The following SERPINC1 variants were observed in gnomAD, a reference collection of about 807,000 sequenced individuals.
The protein encoded by SERPINC1 is serpin family C member 1, also known as antithrombin-III.
A neutral mutation model predicts 43.4 loss-of-function variants in SERPINC1; 12 were observed. The ratio of observed to expected loss-of-function variants is 0.28; its 90% confidence interval spans 0.18 to 0.45. The LOEUF (loss-of-function observed/expected upper bound fraction) is 0.45, where lower values mean the gene tolerates loss of function less well. Among genes scored for constraint, SERPINC1 ranks in the 20% least tolerant of loss-of-function variants. The probability of loss-of-function intolerance (pLI) is 1.00; values close to 1 mark genes in which losing one functional copy is unlikely to be tolerated. For synonymous variants in SERPINC1, 210 were observed against 218.9 expected, an observed-to-expected ratio of 0.96 and a Z score of 0.36; for missense variants, 423 against 578.8, an observed-to-expected ratio of 0.73 and a Z score of 2.76.
At chr1:173,906,349 A>G (rs1277014408) in intron 6 of SERPINC1, among the ~76,000 whole-genome samples, 1 of 152,212 alleles carries the variant, frequency 6.6e-6, no homozygotes, top group Non-Finnish European at 1.5e-5. Context: ...CATTTGGGGG[A>G]ACACGTTAAG....
intron 4 of SERPINC1, 134 bp from the exon 5 acceptor site, chr1:173,910,076 G>T: frequency 1.2e-6 from 1 of 867,458 alleles, no homozygotes; most frequent in East Asian, 2.7e-5. Context: ...TGCACAAAAA[G>T]GTTAACAATG....
At chr1:173,909,510 C>G (rs756267601) in intron 5 of SERPINC1, 42 bp downstream of exon 5, 1 of 1,608,460 alleles carries the variant, frequency 6.2e-7, no homozygotes, top group South Asian at 1.1e-5. Context: ...GGTCAGACTA[C>G]CTTGCGGGTG....
chr1:173,912,785 G>A (rs1333158547), intron 2 of SERPINC1, among the ~76,000 whole-genome samples: 4 of 152,230 alleles, frequency 2.6e-5, no homozygotes, highest in South Asian at 2.1e-4. Context: ...AACACATGGC[G>A]TTTGTGTAGA....
intron 5 of SERPINC1, among the ~76,000 whole-genome samples, chr1:173,908,710 G>A (rs900198935): frequency 2.6e-5 from 4 of 152,082 alleles, no homozygotes; most frequent in South Asian, 4.1e-4. Context: ...ACAGGTGTGC[G>A]TCACCATGCC....
intron 1 of SERPINC1, among the ~76,000 whole-genome samples, chr1:173,916,949 T>A (rs1658016682): frequency 6.6e-6 from 1 of 152,200 alleles, no homozygotes; most frequent in African/African-American, 2.4e-5. Flanking sequence ...CCGTGAGTGC[T>A]GACTTCCTGC....
chr1:173,915,163 G>C, intron 1 of SERPINC1: 1 of 1,403,218 alleles, frequency 7.1e-7, no homozygotes, highest in Non-Finnish European at 9.3e-7. Context: ...GTTATTTGGA[G>C]TATTATGTGC....
intron 2 of SERPINC1, among the ~76,000 whole-genome samples, chr1:173,912,335 G>C (rs1443926142): frequency 6.6e-6 from 1 of 152,234 alleles, no homozygotes; most frequent in Non-Finnish European, 1.5e-5. Flanking sequence ...ACAGAGAAGA[G>C]AATCAGGACG....
At chr1:173,908,490 C>CAAAAA (rs753240633) in intron 5 of SERPINC1, among the ~76,000 whole-genome samples, 5 of 54,010 alleles carry the variant, frequency 9.3e-5, no homozygotes, top group Non-Finnish European at 1.8e-4. Flanking sequence ...GACTTCGTCT[C>CAAAAA]AAAAAAAAAA....
chr1:173,907,486 G>C lies in SERPINC1; in HGVS notation c.1182C>G (p.Leu394=). ...CCTTATGGAATGCATCTGAGACATA[G>C]AGGTCATCTCGGCCTTCTGCAACAA... ...PGIVAEGRDD[L]YVSDAFHKAF... Residue 394 remains leucine (L), a synonymous_variant, in exon 6 of 7, where the codon CTC becomes CTG. Transcript: ENST00000367698. The C allele has an allele frequency of 1.9e-6, 3 of 1,613,990 alleles. No individual in the cohort carries two copies. In the South Asian group the frequency reaches 3.3e-5, roughly 18 times the overall value.
At chr1:173,910,970 T>G in intron 3 of SERPINC1, 79 bp from the exon 4 acceptor site, 1 of 1,501,150 alleles carries the variant, frequency 6.7e-7, no homozygotes, top group Non-Finnish European at 9.3e-7. Flanking sequence ...CATTTTATTT[T>G]TCTCACCATC....
At chr1:173,910,415 A>G (rs980826826) in intron 4 of SERPINC1, among the ~76,000 whole-genome samples, 2 of 147,774 alleles carry the variant, frequency 1.4e-5, no homozygotes, top group Admixed American at 6.7e-5. Context: ...CGTCTTTACT[A>G]AAAAAAAACC....
intron 2 of SERPINC1, among the ~76,000 whole-genome samples, 186 bp downstream of exon 2, chr1:173,914,367 G>T (rs563989820): frequency 6.6e-6 from 1 of 152,154 alleles, no homozygotes; most frequent in South Asian, 2.1e-4. Context: ...AAGATTCCTT[G>T]GCTAATTTTT....
At position 173,903,839 on chromosome 1, in the gene SERPINC1, C is replaced by A; in HGVS notation, c.*50G>T. 2 of 1,502,082 alleles carry A rather than the reference C, an allele frequency of 1.3e-6. No homozygotes were observed. Among genetic ancestry groups the A allele is most frequent in the Non-Finnish European group, 1.9e-6 (2 of 1,079,230 alleles). 93.0% of individuals were successfully genotyped at this position (1,502,082 alleles called of 1,614,324 possible). ...TGGAAGTAGTTTGTATTTATTTTTA[C>A]TTCTGTTCACAAACCAAAAATAGGA... On this transcript the variant is annotated 3_prime_UTR_variant, in exon 7 of 7. Coordinates refer to ENST00000367698, the MANE Select transcript of SERPINC1 (RefSeq NM_000488.4).
At position 173,914,594 on chromosome 1, in the gene SERPINC1, T is replaced by C; in HGVS notation, c.367A>G (p.Lys123Glu). Residue 123 changes from lysine to glutamate, a missense_variant, in exon 2 of 7, where the codon AAG (lysine) becomes GAG (glutamate). Physicochemically the swap from Lys to Glu is moderately conservative, Grantham distance 56. Coordinates refer to ENST00000367698, the MANE Select transcript of SERPINC1 (RefSeq NM_000488.4). ...AGGGTGTCATTACAGGCACCCAGCTTGGTCATAGCAAAAGCCGTGGAGATA... is the reference window on the plus strand; with the variant it reads ...AGGGTGTCATTACAGGCACCCAGCTCGGTCATAGCAAAAGCCGTGGAGATA... The part of the protein sequence containing the change: ...LSISTAFAMT[K>E]LGACNDTLQQ... 6.2e-7 allele frequency: 1 copy of C among 1,614,180 alleles called. No homozygotes were observed. The highest frequency in any genetic ancestry group is 8.5e-7 in the Non-Finnish European group (1 of 1,180,030).
At chr1:173,915,608 C>T (rs549281190) in intron 1 of SERPINC1, among the ~76,000 whole-genome samples, 6 of 152,266 alleles carry the variant, frequency 3.9e-5, no homozygotes, top group African/African-American at 9.6e-5. Context: ...ACCCAGGAGG[C>T]GAAGGTTGCA....
At chr1:173,911,663 G>A in intron 3 of SERPINC1, 136 bp downstream of exon 3, 6 of 733,624 alleles carry the variant, frequency 8.2e-6, no homozygotes, top group Non-Finnish European at 1.2e-5. Context: ...ACTATTGCAG[G>A]GGTTCTAACT....
At chr1:173,908,018 A>AATAAT (rs1657601355) in intron 5 of SERPINC1, among the ~76,000 whole-genome samples, 1 of 138,646 alleles carries the variant, frequency 7.2e-6, no homozygotes, top group Non-Finnish European at 1.6e-5. Context: ...TAATAATAAT[A>AATAAT]ATAATAATAA....
At chr1:173,904,295 G>A (rs897865727) in intron 6 of SERPINC1, among the ~76,000 whole-genome samples, 11 of 152,176 alleles carry the variant, frequency 7.2e-5, no homozygotes, top group African/African-American at 2.7e-4. Context: ...AAGTGTAAGA[G>A]TTCCATTCAG....
At chr1:173,917,094 C>CT in intron 1 of SERPINC1, 125 bp downstream of exon 1, 1 of 839,772 alleles carries the variant, frequency 1.2e-6, no homozygotes, top group Non-Finnish European at 2.0e-6. Flanking sequence ...CCAAACAGGT[C>CT]TTTGACTGTA....
Sources: gnomAD v4.1 joint callset for allele counts (sites outside exome capture counted in the v4.1 genomes callset) on GRCh38, gnomAD v4.1.1 for gene constraint, MANE v1.5 for transcripts, NCBI Gene and HGNC (gene_info 2026-07-23, HGNC 2026-07-21) for gene names.